Variants in ZNF608 observed in about 807,000 individuals in gnomAD.
ZNF608 encodes zinc finger protein 608, also known as renal carcinoma antigen NY-REN-36.
In ZNF608, 12 loss-of-function variants were observed where a neutral mutation model predicts 109.0. That is an observed-to-expected ratio of 0.11 (90% confidence interval 0.07 to 0.18). The LOEUF (loss-of-function observed/expected upper bound fraction) is 0.18. Among genes scored for constraint, ZNF608 ranks in the 10% least tolerant of loss-of-function variants. ZNF608 has a pLI of 1.00. For synonymous variants in ZNF608, 732 were observed against 717.4 expected (o/e 1.02, Z -0.33); for missense variants, 1,707 against 1,879.3 (o/e 0.91, Z 1.70).
chr5:124,696,088 G>A (rs1406255751), intron 3 of ZNF608, among the ~76,000 whole-genome samples: 2 of 151,906 alleles, frequency 1.3e-5, no homozygotes, highest in Non-Finnish European at 2.9e-5. Flanking sequence ...GGAGGCTGAG[G>A]CAGGAGAATT....
intron 2 of ZNF608, among the ~76,000 whole-genome samples, chr5:124,737,877 C>T (rs189331326): frequency 1.5e-4 from 23 of 152,214 alleles, no homozygotes; most frequent in Admixed American, 1.2e-3. Context: ...GTTCCCATTG[C>T]CAAAACCTTG....
intron 3 of ZNF608, among the ~76,000 whole-genome samples, chr5:124,670,897 TTAGA>T (rs1751687826): frequency 6.6e-6 from 1 of 152,226 alleles, no homozygotes; most frequent in Non-Finnish European, 1.5e-5. Flanking sequence ...TCAGTTATTC[TTAGA>T]TAGAAAACTT....
chr5:124,692,316 T>C (rs554842405), intron 3 of ZNF608, among the ~76,000 whole-genome samples: 3 of 152,236 alleles, frequency 2.0e-5, no homozygotes, highest in Non-Finnish European at 4.4e-5. Context: ...ATCAAGACCA[T>C]ATCACTTTGT....
At chr5:124,670,936 G>T (rs577756951) in intron 3 of ZNF608, among the ~76,000 whole-genome samples, 1 of 152,238 alleles carries the variant, frequency 6.6e-6, no homozygotes, top group African/African-American at 2.4e-5. Flanking sequence ...TTCTCCTTTG[G>T]AAATTTGGTA....
At chr5:124,696,158 T>G (rs1222885280) in intron 3 of ZNF608, among the ~76,000 whole-genome samples, 2 of 149,848 alleles carry the variant, frequency 1.3e-5, no homozygotes, top group East Asian at 3.9e-4. Flanking sequence ...CACTCCAGCC[T>G]GGGCAACAAG....
At position 124,745,167 on chromosome 5, in the gene ZNF608, C is replaced by A; in HGVS notation, c.-178G>T. The A allele has an allele frequency of 7.1e-7, 1 of 1,405,410 alleles. No individual in the cohort carries two copies. Among genetic ancestry groups the A allele is most frequent in the Non-Finnish European group, 9.2e-7 (1 of 1,089,864 alleles). 87.1% of individuals were successfully genotyped at this position (1,405,410 alleles called of 1,614,324 possible). On this transcript the variant is annotated 5_prime_UTR_variant, in exon 2 of 10. The change creates a new upstream start codon in the 5' untranslated region. Transcript: ENST00000513986. ...TTTTACACCCTCAGTCCAGGTCCAC[C>A]TTTTCCTGTGAAGGGGGGGGGAAAA...
chr5:124,720,015 A>C (rs1199431803), intron 2 of ZNF608, among the ~76,000 whole-genome samples: 1 of 152,220 alleles, frequency 6.6e-6, no homozygotes, highest in African/African-American at 2.4e-5. Context: ...AAACAACAAC[A>C]ACAACAATAA....
intron 3 of ZNF608, among the ~76,000 whole-genome samples, chr5:124,689,955 C>A (rs1395871319): frequency 3.3e-5 from 5 of 152,166 alleles, no homozygotes; most frequent in Non-Finnish European, 7.3e-5. Context: ...TAATAATTGC[C>A]AACCTTGGAA....
Position 124,641,393 on chromosome 5 carries a change from C to T in ZNF608, c.4309G>A (p.Ala1437Thr). 1 of 1,611,186 alleles carries T rather than the reference C, an allele frequency of 6.2e-7. No homozygotes were observed. Among genetic ancestry groups the T allele is most frequent in the Non-Finnish European group, 8.5e-7 (1 of 1,178,122 alleles). Residue 1437 changes from alanine (A) to threonine (T), a missense_variant, in exon 8 of 10, where the codon GCT (alanine) becomes ACT (threonine). Ala to Thr is a moderately conservative substitution (Grantham distance 58). This residue lies in a region of ZNF608 where 1,073 missense variants were observed against 1,133.5 expected (regional missense o/e 0.95). Transcript: ENST00000513986. ...GCCTCCCGTTCCCGCTCAGCTGTAG[C>T]CTTTTCCACAGGCTGCAACAGAAAA... Reference protein sequence around the residue: ...RSKSPAPVEKATAEREREAER... With the variant: ...RSKSPAPVEKTTAEREREAER...
At chr5:124,695,403 T>C (rs557499176) in intron 3 of ZNF608, among the ~76,000 whole-genome samples, 1 of 152,226 alleles carries the variant, frequency 6.6e-6, no homozygotes, top group Non-Finnish European at 1.5e-5. Flanking sequence ...GATTGGCAAG[T>C]AATACTGCAG....
chr5:124,707,191 CCAGT>C (rs1753298785), intron 2 of ZNF608, among the ~76,000 whole-genome samples: 2 of 152,336 alleles, frequency 1.3e-5, no homozygotes, highest in South Asian at 4.1e-4. Flanking sequence ...AAACCGACAG[CCAGT>C]GAGGATAGGT....
At chr5:124,653,762 T>A (rs1466162296) in intron 3 of ZNF608, among the ~76,000 whole-genome samples, 2 of 151,926 alleles carry the variant, frequency 1.3e-5, no homozygotes, top group East Asian at 3.9e-4. Context: ...GAATGAGAAA[T>A]ATGGAAGTTC....
chr5:124,728,945 A>G (rs1206624425), intron 2 of ZNF608, among the ~76,000 whole-genome samples: 1 of 152,164 alleles, frequency 6.6e-6, no homozygotes, highest in Non-Finnish European at 1.5e-5. Context: ...AAAATTCACT[A>G]TAGAACCCTA....
chr5:124,653,448 A>G (rs1431055950), intron 3 of ZNF608, among the ~76,000 whole-genome samples: 1 of 152,194 alleles, frequency 6.6e-6, no homozygotes, highest in East Asian at 1.9e-4. Context: ...ATTTAGTGCT[A>G]TGGAATCAAC....
intron 2 of ZNF608, among the ~76,000 whole-genome samples, chr5:124,717,183 TGGCCAG>T (rs1317011342): frequency 6.6e-6 from 1 of 151,982 alleles, no homozygotes; most frequent in Non-Finnish European, 1.5e-5. Flanking sequence ...TCATTTTTGC[TGGCCAG>T]GAGCAATGGC....
intron 3 of ZNF608, among the ~76,000 whole-genome samples, chr5:124,681,260 C>T (rs1008214606): frequency 6.6e-6 from 1 of 152,120 alleles, no homozygotes; most frequent in Admixed American, 6.5e-5. Context: ...TGAGACCAGC[C>T]TGGTCAACAT....
rs1325017743 is a variant in ZNF608, at chr5:124,641,270, G to C, written c.4432C>G (p.Gln1478Glu). The C allele has an allele frequency of 4.3e-6, 7 of 1,613,630 alleles. No individual in the cohort carries two copies. The highest frequency in any genetic ancestry group is 1.7e-5 in the Admixed American group (1 of 59,994). ...TGCTGACCTTGAAAAGGGTCATATT[G>C]ACCCGGGATTAGCGGGTAACCCATG... ...VGMGYPLIPG[Q>E]YDPFQGLTSA... is the part of the protein sequence containing the mutation. The change falls in exon 8 of 10, where the codon CAA becomes GAA. Residue 1478 changes from glutamine to glutamate, a missense_variant. By Grantham distance (29) the Gln-to-Glu change is conservative. Coordinates refer to ENST00000513986, the MANE Select transcript of ZNF608 (RefSeq NM_020747.3).
At position 124,744,351 on chromosome 5, in the gene ZNF608, G is replaced by T. The variant is rs1389477138; in HGVS notation, c.639C>A (p.Asp213Glu). The change falls in exon 2 of 10, where the codon GAC (aspartate) becomes GAA (glutamate). Residue 213 changes from aspartate to glutamate, a missense_variant. Asp to Glu is a conservative substitution (Grantham distance 45). Coordinates refer to ENST00000513986, the MANE Select transcript of ZNF608 (RefSeq NM_020747.3). The surrounding 1 kb of genome is among the most constrained non-coding windows in gnomAD (Gnocchi z 4.5). Reference sequence around the variant, plus strand: ...GGTGGCCCTGAAGCAGGTCGTGCTTGTCCTTCCTGGATTTCCCCGCATCCT... The same window carrying T: ...GGTGGCCCTGAAGCAGGTCGTGCTTTTCCTTCCTGGATTTCCCCGCATCCT... ...RDKDAGKSRK[D>E]KHDLLQGHQN... 8 of 1,614,240 alleles carry T rather than the reference G, an allele frequency of 5.0e-6. No homozygotes were observed. Among genetic ancestry groups the T allele is most frequent in the Non-Finnish European group, 6.8e-6 (8 of 1,180,046 alleles).
At chr5:124,684,242 G>A (rs1190089610) in intron 3 of ZNF608, among the ~76,000 whole-genome samples, 2 of 152,184 alleles carry the variant, frequency 1.3e-5, no homozygotes, top group African/African-American at 4.8e-5. Flanking sequence ...TTTGCTACCT[G>A]ATTCTGCCAT....
Sources: allele counts gnomAD v4.1 joint callset (sites outside exome capture counted in the v4.1 genomes callset), GRCh38; gene constraint gnomAD v4.1.1; regional missense constraint gnomAD v4.1.1; non-coding constraint Gnocchi (gnomAD v3.1); transcripts MANE v1.5; gene names NCBI Gene and HGNC (gene_info 2026-07-23, HGNC 2026-07-21).